GRIK4: variants seen among roughly 807,000 people sequenced by gnomAD.
GRIK4 encodes glutamate ionotropic receptor kainate type subunit 4, also known as glutamate receptor ionotropic, kainate 4.
A neutral mutation model predicts 104.9 loss-of-function variants in GRIK4; 40 were observed. The observed-to-expected ratio is 0.38, with a 90% CI of 0.30 to 0.50. GRIK4 has a LOEUF of 0.50. Ranked by LOEUF, GRIK4 falls within the 20% of genes least tolerant of loss-of-function variation. The probability of loss-of-function intolerance (pLI) is 0.93; values close to 1 mark genes in which losing one functional copy is unlikely to be tolerated. For missense variants in GRIK4, 1,047 were observed against 1,308.1 expected (o/e 0.80, Z 3.08); for synonymous variants, 485 against 524.9 (o/e 0.92, Z 1.04).
At chr11:120,842,159 C>A (rs11218026) in intron 8 of GRIK4, among the ~76,000 whole-genome samples, 1 of 152,206 alleles carries the variant, frequency 6.6e-6, no homozygotes, top group Non-Finnish European at 1.5e-5. Flanking sequence ...ACCCCCAGAT[C>A]TCATCGTTTC....
intron 8 of GRIK4, among the ~76,000 whole-genome samples, chr11:120,861,084 A>G (rs1954250487): frequency 1.4e-5 from 2 of 146,242 alleles, no homozygotes; most frequent in South Asian, 2.2e-4. Context: ...AGGGTTCAGA[A>G]ATCATCCTCT....
chr11:120,715,282 C>T (rs905885686), intron 3 of GRIK4, among the ~76,000 whole-genome samples: 14 of 152,216 alleles, frequency 9.2e-5, no homozygotes, highest in South Asian at 2.1e-4. Flanking sequence ...CCCCAACCTA[C>T]GAGGGCAGGC....
At chr11:120,944,585 T>C (rs1591314072) in intron 14 of GRIK4, among the ~76,000 whole-genome samples, 1 of 152,336 alleles carries the variant, frequency 6.6e-6, no homozygotes, top group African/African-American at 2.4e-5. Context: ...AGTTCTCAAA[T>C]ATACTGGGTA....
At chr11:120,971,607 G>T (rs971496404) in intron 19 of GRIK4, among the ~76,000 whole-genome samples, 1 of 152,230 alleles carries the variant, frequency 6.6e-6, no homozygotes, top group African/African-American at 2.4e-5. Context: ...ACCTGGCCTT[G>T]CCCTTAAGAG....
rs191697262 is a variant in GRIK4, at chr11:120,714,945, T to C, written c.82+54545T>C. The stretch of plus-strand genomic sequence containing the variant: ...AGGAGGGACATGATCAGATTTCTAT[T>C]TTGGAGAGACTCCTTTAGCTGCAGA... On this transcript the variant is annotated intron_variant, in intron 3 of 20. Transcript: ENST00000527524. Among the ~76,000 whole-genome samples, 369 of 151,956 alleles carry C rather than the reference T, an allele frequency of 2.4e-3. 2 individuals are homozygous for C. Among genetic ancestry groups the C allele is most frequent in the Non-Finnish European group, 4.1e-3 (282 of 68,020 alleles).
chr11:120,728,770 A>G (rs1951076905), intron 3 of GRIK4, among the ~76,000 whole-genome samples: 1 of 151,752 alleles, frequency 6.6e-6, no homozygotes, highest in Non-Finnish European at 1.5e-5. Flanking sequence ...ATCCAATTAA[A>G]CTCTTTTAGT....
intron 1 of GRIK4, among the ~76,000 whole-genome samples, chr11:120,547,057 G>A (rs533438904): frequency 5.9e-5 from 9 of 152,292 alleles, no homozygotes; most frequent in East Asian, 1.9e-4. Context: ...CTCTGGCAGC[G>A]CTTCCTCCAC....
chr11:120,626,632 G>A (rs1053626437), intron 1 of GRIK4, among the ~76,000 whole-genome samples: 3 of 152,066 alleles, frequency 2.0e-5, no homozygotes, highest in African/African-American at 7.2e-5. Context: ...TTTCCCCAGG[G>A]AACAGTAGTC....
chr11:120,632,529 G>A (rs144132918), intron 1 of GRIK4, among the ~76,000 whole-genome samples: 102 of 152,124 alleles, frequency 6.7e-4, no homozygotes, highest in African/African-American at 2.2e-3. Flanking sequence ...TGTGCTTCCC[G>A]TTTCCAGGTT....
At chr11:120,777,969 T>C (rs904110255) in intron 3 of GRIK4, among the ~76,000 whole-genome samples, 1 of 139,582 alleles carries the variant, frequency 7.2e-6, no homozygotes, top group Admixed American at 7.1e-5. Flanking sequence ...AAGGACGAAA[T>C]AAAGTAGAGC....
intron 1 of GRIK4, among the ~76,000 whole-genome samples, chr11:120,637,673 A>G (rs940093079): frequency 6.6e-6 from 1 of 152,048 alleles, no homozygotes; most frequent in Non-Finnish European, 1.5e-5. Context: ...TCTTGCGGCG[A>G]TCTGAAGCTG....
At position 120,711,007 on chromosome 11, in the gene GRIK4, G is replaced by GGGGT. The variant is rs762944200; in HGVS notation, c.82+50607_82+50608insGGGT. Among the ~76,000 whole-genome samples the GGGGT allele has an allele frequency of 2.5e-4, 38 of 149,084 alleles. 1 individual carries two copies. Among genetic ancestry groups the GGGGT allele is most frequent in the African/African-American group, 9.6e-4 (38 of 39,382 alleles). ...CTTGCCCCTGTGAGGTGGGGAGGGG[G>GGGGT]TGTGAGCAGCTGCAGGGCCCTGCTC... On this transcript the variant is annotated intron_variant, in intron 3 of 20. Transcript: ENST00000527524.
At chr11:120,892,772 T>C (rs1432955938) in intron 11 of GRIK4, among the ~76,000 whole-genome samples, 2 of 152,202 alleles carry the variant, frequency 1.3e-5, no homozygotes, top group Non-Finnish European at 2.9e-5. Flanking sequence ...TCCAAAGGAC[T>C]ATGGGTAGCC....
At chr11:120,839,277 A>T (rs564792821) in intron 8 of GRIK4, among the ~76,000 whole-genome samples, 2 of 152,220 alleles carry the variant, frequency 1.3e-5, no homozygotes, top group Non-Finnish European at 2.9e-5. Flanking sequence ...GTGATGCAGT[A>T]GGTCCTCAGA....
intron 11 of GRIK4, among the ~76,000 whole-genome samples, chr11:120,886,761 C>G (rs192760545): frequency 2.6e-5 from 4 of 152,168 alleles, no homozygotes; most frequent in African/African-American, 9.7e-5. Context: ...CTACAGTGGC[C>G]CTTTCTCTGC....
At chr11:120,566,302 G>C (rs754675251) in intron 1 of GRIK4, among the ~76,000 whole-genome samples, 3 of 152,190 alleles carry the variant, frequency 2.0e-5, no homozygotes, top group Non-Finnish European at 4.4e-5. Flanking sequence ...GGAGTCCAGA[G>C]ACGTTAGGCA....
chr11:120,767,479 T>C (rs879839211), intron 3 of GRIK4, among the ~76,000 whole-genome samples: 1 of 152,026 alleles, frequency 6.6e-6, no homozygotes, highest in African/African-American at 2.4e-5. Flanking sequence ...TTTGCACATA[T>C]TTTTTTTCCC....
At chr11:120,900,327 C>T (rs910642896) in intron 12 of GRIK4, among the ~76,000 whole-genome samples, 1 of 152,196 alleles carries the variant, frequency 6.6e-6, no homozygotes, top group East Asian at 1.9e-4. Flanking sequence ...AACTTGAATG[C>T]CAGGCTACTA....
At chr11:120,738,391 A>G (rs1374383946) in intron 3 of GRIK4, among the ~76,000 whole-genome samples, 2 of 152,204 alleles carry the variant, frequency 1.3e-5, no homozygotes, top group East Asian at 1.9e-4. Context: ...TGAGTGATGC[A>G]AAGGAGAGGG....
Sources: gnomAD v4.1 joint callset for allele counts (sites outside exome capture counted in the v4.1 genomes callset) on GRCh38, gnomAD v4.1.1 for gene constraint, MANE v1.5 for transcripts, NCBI Gene and HGNC (gene_info 2026-07-23, HGNC 2026-07-21) for gene names.